KHDRBS2: variants seen among roughly 807,000 people sequenced by gnomAD.
The protein encoded by KHDRBS2 is KH domain-containing, RNA-binding, signal transduction-associated protein 2.
KHDRBS2 carries 26 observed loss-of-function variants against 44.3 expected under a neutral mutation model. That is an observed-to-expected ratio of 0.59 (90% CI 0.43 to 0.81). The LOEUF is 0.81. KHDRBS2 is among the 40% of genes least tolerant of loss of function. The pLI, the probability that KHDRBS2 is intolerant of heterozygous loss-of-function variation, is 0.00. For synonymous variants in KHDRBS2, 194 were observed against 151.1 expected, an observed-to-expected ratio of 1.28 and a Z score of -2.08; for missense variants, 476 against 433.1, an observed-to-expected ratio of 1.10 and a Z score of -0.88.
intron 2 of KHDRBS2, among the ~76,000 whole-genome samples, chr6:62,153,429 T>C (rs1815655652): frequency 6.6e-6 from 1 of 152,240 alleles, no homozygotes; most frequent in Non-Finnish European, 1.5e-5. Context: ...TTTTGCATTG[T>C]ACTGCGATTC....
Position 61,680,958 on chromosome 6 carries a change from G to C in KHDRBS2, c.*5C>G. 1 of 1,590,214 alleles carries C rather than the reference G, an allele frequency of 6.3e-7. No individual in the cohort carries two copies. On this transcript the variant is annotated 3_prime_UTR_variant, in exon 9 of 9. Coordinates refer to ENST00000281156, the MANE Select transcript of KHDRBS2 (RefSeq NM_152688.4). ...TTGAGGTGAGGTCACAGGTGGGAAG[G>C]ACCTTCAATATCTACCATAGGGGTG...
At chr6:62,283,724 A>G (rs529614242) in intron 1 of KHDRBS2, among the ~76,000 whole-genome samples, 1 of 152,250 alleles carries the variant, frequency 6.6e-6, no homozygotes, top group East Asian at 1.9e-4. Context: ...AGATAATGAA[A>G]GATCTATACC....
chr6:62,107,591 T>C (rs1371352059), intron 2 of KHDRBS2, among the ~76,000 whole-genome samples: 1 of 152,140 alleles, frequency 6.6e-6, no homozygotes, highest in Admixed American at 6.5e-5. Context: ...TGGAAAAAAA[T>C]ACTTTAAACT....
chr6:61,840,546 A>C (rs1305203853), intron 6 of KHDRBS2, among the ~76,000 whole-genome samples: 1 of 152,178 alleles, frequency 6.6e-6, no homozygotes, highest in African/African-American at 2.4e-5. Context: ...GCCACCAGAT[A>C]ATAAGAGTAG....
chr6:61,653,021 T>C, the KHDRBS2 span, among the ~76,000 whole-genome samples: 3 of 152,196 alleles, frequency 2.0e-5, no homozygotes, highest in East Asian at 5.8e-4. Flanking sequence ...AGAGCTATTA[T>C]AAATGGAATA....
intron 6 of KHDRBS2, among the ~76,000 whole-genome samples, chr6:61,847,030 C>T (rs966137648): frequency 3.3e-5 from 5 of 151,948 alleles, no homozygotes; most frequent in African/African-American, 9.7e-5. Flanking sequence ...TGATTTCAAA[C>T]ATTTATTAAG....
intron 1 of KHDRBS2, among the ~76,000 whole-genome samples, chr6:62,227,766 C>T (rs1318049370): frequency 1.3e-5 from 2 of 152,178 alleles, no homozygotes; most frequent in East Asian, 3.8e-4. Flanking sequence ...GCCTTTTCTG[C>T]ATCTGTTGAG....
chr6:61,677,494 G>A (rs1303600391), downstream of KHDRBS2, among the ~76,000 whole-genome samples: 1 of 151,880 alleles, frequency 6.6e-6, no homozygotes, highest in Non-Finnish European at 1.5e-5. Flanking sequence ...ATTGTTTTAA[G>A]AGTTTGAATT....
At chr6:61,922,956 A>G (rs1808321647) in intron 4 of KHDRBS2, among the ~76,000 whole-genome samples, 1 of 152,166 alleles carries the variant, frequency 6.6e-6, no homozygotes, top group Admixed American at 6.6e-5. Flanking sequence ...AAGGATAAAA[A>G]TCAGCACATG....
chr6:61,651,009 T>C, the KHDRBS2 span, among the ~76,000 whole-genome samples: 1 of 152,132 alleles, frequency 6.6e-6, no homozygotes, highest in African/African-American at 2.4e-5. Context: ...TTTCCTTGCT[T>C]AGTCTTAATG....
chr6:62,081,453 A>G lies in KHDRBS2; in HGVS notation c.220-33459T>C, dbSNP rs184859372. On this transcript the variant is annotated intron_variant, in intron 2 of 8. Coordinates refer to ENST00000281156, the MANE Select transcript of KHDRBS2 (RefSeq NM_152688.4). Reference sequence around the variant, plus strand: ...TAAAGTTGTGTCTAAACAGAGAGTGAGTTTGACAATTGTGAATGACATATG... The same window carrying G: ...TAAAGTTGTGTCTAAACAGAGAGTGGGTTTGACAATTGTGAATGACATATG... 2.0e-5 allele frequency among the ~76,000 whole-genome samples: 3 copies of G among 152,302 alleles called. No individual in the cohort carries two copies. The East Asian group carries it at 5.8e-4, about 29-fold the overall frequency.
chr6:62,054,464 A>C (rs1789808775), intron 2 of KHDRBS2, among the ~76,000 whole-genome samples: 1 of 152,072 alleles, frequency 6.6e-6, no homozygotes, highest in African/African-American at 2.4e-5. Flanking sequence ...TCTAATACCA[A>C]GAATCTGTAA....
At chr6:62,105,503 T>G (rs1802989511) in intron 2 of KHDRBS2, among the ~76,000 whole-genome samples, 1 of 152,164 alleles carries the variant, frequency 6.6e-6, no homozygotes, top group African/African-American at 2.4e-5. Flanking sequence ...GGTTTAGTCT[T>G]GGGAGGGTGT....
At chr6:61,804,344 G>A (rs1786782602) in intron 6 of KHDRBS2, among the ~76,000 whole-genome samples, 1 of 152,168 alleles carries the variant, frequency 6.6e-6, no homozygotes. Context: ...CCCCATCCCT[G>A]TGGCTTTGCA....
rs547650932 is a variant in KHDRBS2, at chr6:62,008,862, C to T, written c.337-30650G>A. On this transcript the variant is annotated intron_variant, in intron 3 of 8. Coordinates refer to ENST00000281156, the MANE Select transcript of KHDRBS2 (RefSeq NM_152688.4). Reference sequence around the variant, plus strand: ...CATGATTGTGAGGCCTCCCCAGCCACGTGGAACTGTAAGTCCAATAAACTT... The same window carrying T: ...CATGATTGTGAGGCCTCCCCAGCCATGTGGAACTGTAAGTCCAATAAACTT... Among the ~76,000 whole-genome samples, 9 of 152,192 alleles carry T rather than the reference C, an allele frequency of 5.9e-5. 1 individual carries two copies. Among genetic ancestry groups the T allele is most frequent in the Admixed American group, 4.6e-4 (7 of 15,276 alleles).
intron 2 of KHDRBS2, among the ~76,000 whole-genome samples, chr6:62,123,802 T>A (rs1386195632): frequency 6.6e-6 from 1 of 152,204 alleles, no homozygotes; most frequent in African/African-American, 2.4e-5. Flanking sequence ...CATCAGGCAG[T>A]CTGGGACCTG....
intron 6 of KHDRBS2, among the ~76,000 whole-genome samples, chr6:61,855,521 G>A (rs543902196): frequency 1.4e-3 from 211 of 151,416 alleles, no homozygotes; most frequent in Non-Finnish European, 2.4e-3. Flanking sequence ...AGACCCTCAT[G>A]ATATATTAGA....
the KHDRBS2 span, among the ~76,000 whole-genome samples, chr6:61,649,062 G>T: frequency 6.6e-6 from 1 of 152,114 alleles, no homozygotes; most frequent in Non-Finnish European, 1.5e-5. Flanking sequence ...TGCTTTGACA[G>T]GTTCTCACGT....
At chr6:61,761,098 G>A (rs1779203501) in intron 6 of KHDRBS2, among the ~76,000 whole-genome samples, 1 of 152,184 alleles carries the variant, frequency 6.6e-6, no homozygotes, top group Admixed American at 6.5e-5. Flanking sequence ...ATATGCTATA[G>A]GGAATAGCTA....
Sources: allele counts gnomAD v4.1 joint callset (sites outside exome capture counted in the v4.1 genomes callset), GRCh38; gene constraint gnomAD v4.1.1; transcripts MANE v1.5; gene names NCBI Gene and HGNC (gene_info 2026-07-23, HGNC 2026-07-21).